The following DNAH5 variants were observed in gnomAD, a reference collection of about 807,000 sequenced individuals.
DNAH5 encodes the protein dynein axonemal heavy chain 5, also known as axonemal beta dynein heavy chain 5.
In DNAH5, 372 loss-of-function variants were observed where a neutral mutation model predicts 518.2. The observed-to-expected ratio is 0.72, with a 90% CI of 0.66 to 0.78. The LOEUF is 0.78. Among genes scored for constraint, DNAH5 ranks in the 30% least tolerant of loss-of-function variants. DNAH5 has a pLI of 0.00. For synonymous variants in DNAH5, 2,039 were observed against 2,025.9 expected (o/e 1.01, Z -0.17); for missense variants, 5,523 against 5,687.0 (o/e 0.97, Z 0.93).
In DNAH5 at chr5:13,762,743, G is replaced by A. The variant is rs771824980; in HGVS notation, c.10260C>T (p.Asn3420=). The A allele has an allele frequency of 3.1e-6, 5 of 1,613,904 alleles. No homozygotes were observed. Among genetic ancestry groups the A allele is most frequent in the Non-Finnish European group, 4.2e-6 (5 of 1,179,960 alleles). The change falls in exon 60 of 79, where the codon AAC becomes AAT. Residue 3420 remains asparagine (N), a synonymous_variant. Transcript: ENST00000265104. Reference sequence around the variant, plus strand: ...TTACCTTCAGAGGCAGTACTTCTTTGTTTATAGAAAAGAAGGAAGCCATAG... The same window carrying A: ...TTACCTTCAGAGGCAGTACTTCTTTATTTATAGAAAAGAAGGAAGCCATAG... ...TKAMASFFSI[N]KEVLPLKANL... is the part of the protein sequence containing the mutation.
chr5:13,914,639 T>C lies in DNAH5; in HGVS notation c.1201A>G (p.Thr401Ala). The change falls in exon 10 of 79, where the codon ACA (threonine) becomes GCA (alanine). Residue 401 changes from threonine to alanine, a missense_variant. Thr to Ala is a moderately conservative substitution (Grantham distance 58, BLOSUM62 0). Transcript: ENST00000265104. ...EKITSLFVKV[T>A]NQIISACKAY... is the part of the protein sequence containing the mutation. ...TTACATGCAGATATAATCTGATTTGTCACCTGGGATTTTCCAATAAAATGA... is the reference window on the plus strand; with the variant it reads ...TTACATGCAGATATAATCTGATTTGCCACCTGGGATTTTCCAATAAAATGA... The C allele has an allele frequency of 6.2e-7, 1 of 1,612,828 alleles. No homozygotes were observed. The highest frequency in any genetic ancestry group is 1.1e-5 in the South Asian group (1 of 91,036).
At chr5:13,989,674 G>T (rs112811194) in intron 1 of DNAH5, among the ~76,000 whole-genome samples, 1 of 151,818 alleles carries the variant, frequency 6.6e-6, no homozygotes, top group Admixed American at 6.6e-5. Flanking sequence ...TAGTAGAGAC[G>T]GGGTTTCACC....
chr5:13,748,425 G>A (rs1310918659), intron 65 of DNAH5, among the ~76,000 whole-genome samples: 1 of 152,172 alleles, frequency 6.6e-6, no homozygotes, highest in Non-Finnish European at 1.5e-5. Flanking sequence ...GAAAGTCATT[G>A]GTAGCTTGAT....
rs1199019362 is a variant in DNAH5, at chr5:13,871,758, AT to A, written c.3403del (p.Ile1135LeufsTer45). ...GCGTTTGAAGCAATCCATGGATGTA[AT>A]AACTTCCTGAATGCAAATAACAGAT... ...TIINSTKKEV[I>X]TSMDCFKRYN... On this transcript the variant is annotated frameshift_variant, in exon 23 of 79. Coordinates refer to ENST00000265104, the MANE Select transcript of DNAH5 (RefSeq NM_001369.3). LOFTEE classifies it high-confidence loss of function. The A allele has an allele frequency of 6.2e-7, 1 of 1,613,298 alleles. No homozygotes were observed. The highest frequency in any genetic ancestry group is 8.5e-7 in the Non-Finnish European group (1 of 1,179,548).
chr5:14,000,303 C>T (rs1784262076), intron 1 of DNAH5, among the ~76,000 whole-genome samples: 1 of 152,208 alleles, frequency 6.6e-6, no homozygotes, highest in African/African-American at 2.4e-5. Context: ...ACACCTGGGG[C>T]CGCCAGGAGC....
In DNAH5 at chr5:13,817,695, C is replaced by T. The variant is rs1761632128; in HGVS notation, c.6842-1G>A. The T allele has an allele frequency of 6.2e-7, 1 of 1,614,028 alleles. No homozygotes were observed. Among genetic ancestry groups the T allele is most frequent in the African/African-American group, 1.3e-5 (1 of 74,942 alleles). Reference sequence around the variant, plus strand: ...ATTTCCCGATGTGGTTTTCCACAATCTATACCAAGTAAATCCAAATTTTAG... The same window carrying T: ...ATTTCCCGATGTGGTTTTCCACAATTTATACCAAGTAAATCCAAATTTTAG... On this transcript the variant is annotated splice_acceptor_variant, in intron 41 of 78. Transcript: ENST00000265104. LOFTEE classifies it high-confidence loss of function.
intron 1 of DNAH5, among the ~76,000 whole-genome samples, chr5:13,969,472 T>A (rs766332759): frequency 6.6e-6 from 1 of 152,224 alleles, no homozygotes; most frequent in Non-Finnish European, 1.5e-5. Flanking sequence ...ACTTTCCTTT[T>A]GGCACCACTT....
chr5:13,899,691 G>A (rs73057749), intron 15 of DNAH5: 11,934 of 159,582 alleles, frequency 0.075, 1,156 homozygotes, highest in African/African-American at 0.22. Context: ...AGCATTCTAC[G>A]GCACCCCTGC....
rs1561408052 is a variant in DNAH5, at chr5:13,842,485, GA to G, written c.5272-582del. Among the ~76,000 whole-genome samples, 93 of 99,492 alleles carry G rather than the reference GA, an allele frequency of 9.3e-4. 15 individuals carry two copies. The highest frequency in any genetic ancestry group is 3.4e-3 in the African/African-American group (81 of 24,018). The allele number at this position is 99,492 out of a possible 152,430, so 65.3% of individuals were successfully genotyped here. A position where few individuals can be genotyped will look rare whatever the true frequency, so the allele number is the denominator to read the frequency against. ...AAAGAAAGAAAGAAAGAAAGAAAGA[GA>G]AAGAAAAGAAAGAAAGAAAGAAAAA... On this transcript the variant is annotated intron_variant, in intron 32 of 78. Transcript: ENST00000265104.
At chr5:13,949,421 G>A (rs1780194187), upstream of DNAH5, among the ~76,000 whole-genome samples, 1 of 152,212 alleles carries the variant, frequency 6.6e-6, no homozygotes, top group African/African-American at 2.4e-5. Context: ...ACTCACAAAA[G>A]AAGATAGTGA....
intron 65 of DNAH5, among the ~76,000 whole-genome samples, chr5:13,750,216 T>C (rs1750023934): frequency 6.6e-6 from 1 of 152,114 alleles, no homozygotes; most frequent in Non-Finnish European, 1.5e-5. Context: ...ACATAAATAA[T>C]CTTCAGGTCA....
intron 1 of DNAH5, among the ~76,000 whole-genome samples, chr5:13,934,452 G>A (rs1778732308): frequency 6.6e-6 from 1 of 152,104 alleles, no homozygotes; most frequent in African/African-American, 2.4e-5. Flanking sequence ...AAATAATAGA[G>A]TAATTTTGTT....
chr5:13,945,189 C>G (rs1043113171), upstream of DNAH5, among the ~76,000 whole-genome samples: 3 of 152,266 alleles, frequency 2.0e-5, no homozygotes, highest in Non-Finnish European at 4.4e-5. Flanking sequence ...TCTTGATCAT[C>G]TTAACTGTGA....
chr5:13,702,216 C>A (rs370505322), intron 76 of DNAH5, among the ~76,000 whole-genome samples: 3 of 152,102 alleles, frequency 2.0e-5, no homozygotes, highest in African/African-American at 7.2e-5. Flanking sequence ...ACTGTAATTG[C>A]AATATTTTAT....
intron 67 of DNAH5, among the ~76,000 whole-genome samples, chr5:13,735,571 T>A (rs1747275331): frequency 6.6e-6 from 1 of 152,206 alleles, no homozygotes; most frequent in African/African-American, 2.4e-5. Context: ...TCTTGGGAAT[T>A]TTCTTGTTTA....
chr5:13,911,309 G>T, intron 12 of DNAH5, 77 bp downstream of exon 12: 1 of 1,097,504 alleles, frequency 9.1e-7, no homozygotes, highest in Non-Finnish European at 1.4e-6. Flanking sequence ...TTCTGATTGG[G>T]TAATGATTAA....
Position 13,988,268 on chromosome 5 carries a change from T to G in DNAH5, c.12+23380A>C, listed in dbSNP as rs559552090. On this transcript the variant is annotated intron_variant, in intron 1 of 78. Coordinates refer to the DNAH5 transcript ENST00000681290. ...AAGTTGCCCATCACTATACAAACTT[T>G]GATGCCACTGTCCCTTTGGTCTCCC... 2.6e-5 allele frequency among the ~76,000 whole-genome samples: 4 copies of G among 152,328 alleles called. No individual in the cohort carries two copies. The East Asian group carries it at 7.7e-4, about 29-fold the overall frequency.
rs1762089025 is a variant in DNAH5 at position 13,820,573 on chromosome 5, C to T, written c.6688-74G>A. 4 of 1,576,470 alleles carry T rather than the reference C, an allele frequency of 2.5e-6. No homozygotes were observed. In the Admixed American group the frequency reaches 5.0e-5, roughly 20 times the overall value. Reference sequence around the variant, plus strand: ...GACACGGTGGCTCACGCCTGTAATCCCAACAATTTGGGAGGCCGAGGCGGG... The same window carrying T: ...GACACGGTGGCTCACGCCTGTAATCTCAACAATTTGGGAGGCCGAGGCGGG... On this transcript the variant is annotated intron_variant, in intron 40 of 78. Coordinates refer to ENST00000265104, the MANE Select transcript of DNAH5 (RefSeq NM_001369.3).
rs10035657 is a variant in DNAH5, at chr5:13,823,153, T to C, written c.6687+110A>G. ...ACAGCAGTGTTAGCCTCACTGTTGT[T>C]ATTTTTGCTGCTCAGAGTGCATAGG... On this transcript the variant is annotated intron_variant, in intron 40 of 78. Coordinates refer to ENST00000265104, the MANE Select transcript of DNAH5 (RefSeq NM_001369.3). 0.39 allele frequency: 312,521 copies of C among 809,924 alleles called. 61,876 individuals are homozygous for C. The highest frequency in any genetic ancestry group is 0.56 in the East Asian group (23,257 of 41,252). 50.2% of individuals were successfully genotyped at this position (809,924 alleles called of 1,614,324 possible).
Sources: allele counts gnomAD v4.1 joint callset (sites outside exome capture counted in the v4.1 genomes callset), GRCh38; gene constraint gnomAD v4.1.1; transcripts MANE v1.5; gene names NCBI Gene and HGNC (gene_info 2026-07-23, HGNC 2026-07-21).